Variants in AGAP1 observed in about 807,000 individuals in gnomAD.
AGAP1 encodes ArfGAP with GTPase domain, ankyrin repeat and PH domain 1.
Under a neutral mutation model 105.3 loss-of-function variants are expected in AGAP1, and 29 were observed. That is an observed-to-expected ratio of 0.28 (90% CI 0.21 to 0.38). The LOEUF is 0.38. AGAP1 is among the 10% of genes least tolerant of loss of function. The pLI is 1.00. For synonymous variants in AGAP1, 509 were observed against 485.9 expected, an observed-to-expected ratio of 1.05 and a Z score of -0.63; for missense variants, 998 against 1,165.1, an observed-to-expected ratio of 0.86 and a Z score of 2.09.
Position 236,105,503 on chromosome 2 carries a change from T to G in AGAP1, c.2115-14689T>G, listed in dbSNP as rs530258219. Among the ~76,000 whole-genome samples the G allele has an allele frequency of 4.6e-5, 7 of 151,724 alleles. No individual in the cohort carries two copies. Among genetic ancestry groups the G allele is most frequent in the Non-Finnish European group, 8.8e-5 (6 of 67,950 alleles). ...TCCTGGCTTATAGACAGATGCCTCTTGCAGTGTCCTCATGTGGAGGAGAGA... is the reference window on the plus strand; with the variant it reads ...TCCTGGCTTATAGACAGATGCCTCTGGCAGTGTCCTCATGTGGAGGAGAGA... On this transcript the variant is annotated intron_variant, in intron 16 of 17. Transcript: ENST00000304032. This position sits in a 1 kb window ranked among gnomAD's most constrained non-coding sequence, Gnocchi z 4.2.
chr2:236,099,449 C>G (rs568351495), intron 16 of AGAP1, among the ~76,000 whole-genome samples: 1 of 150,310 alleles, frequency 6.7e-6, no homozygotes, highest in East Asian at 2.0e-4. Flanking sequence ...AGCGAGACTC[C>G]GCCTCAAAAA....
intron 12 of AGAP1, among the ~76,000 whole-genome samples, chr2:235,939,920 C>T (rs924052902): frequency 6.6e-6 from 1 of 152,158 alleles, no homozygotes; most frequent in African/African-American, 2.4e-5. Context: ...CCTCTAGACT[C>T]AGAAGATACC....
At chr2:236,071,331 C>T (rs1300975984) in intron 16 of AGAP1, among the ~76,000 whole-genome samples, 1 of 152,210 alleles carries the variant, frequency 6.6e-6, no homozygotes, top group Non-Finnish European at 1.5e-5. Flanking sequence ...ACCTGGCCTG[C>T]AGATGGCTTC....
At chr2:235,693,045 GGGC>G (rs1949814319) in intron 1 of AGAP1, among the ~76,000 whole-genome samples, 2 of 152,152 alleles carry the variant, frequency 1.3e-5, no homozygotes, top group Non-Finnish European at 2.9e-5. Flanking sequence ...GCTGGCCTAG[GGGC>G]CTTCCTGATG....
intron 1 of AGAP1, among the ~76,000 whole-genome samples, chr2:235,703,861 T>C (rs10209202): frequency 0.076 from 11,629 of 152,140 alleles, 1,460 homozygotes; most frequent in African/African-American, 0.26. Context: ...AATCTCAAAC[T>C]CCTGACCTCA....
intron 10 of AGAP1, among the ~76,000 whole-genome samples, chr2:235,890,643 A>C (rs2050493846): frequency 6.6e-6 from 1 of 152,198 alleles, no homozygotes; most frequent in South Asian, 2.1e-4. Context: ...TTCAGATCAC[A>C]CAGAGGTGCC....
intron 16 of AGAP1, among the ~76,000 whole-genome samples, chr2:236,111,052 C>A (rs1456262874): frequency 6.6e-6 from 1 of 152,178 alleles, no homozygotes; most frequent in Non-Finnish European, 1.5e-5. Context: ...AGGGCAGGGC[C>A]ATCATCACCT....
At chr2:235,825,988 C>CT (rs898600117) in intron 9 of AGAP1, among the ~76,000 whole-genome samples, 1 of 151,918 alleles carries the variant, frequency 6.6e-6, no homozygotes, top group African/African-American at 2.4e-5. Context: ...TATACACCTA[C>CT]TATGTACTCA....
Position 236,027,605 on chromosome 2 carries a change from C to A in AGAP1, c.1646-8956C>A. On this transcript the variant is annotated intron_variant, in intron 13 of 17. Coordinates refer to ENST00000304032, the MANE Select transcript of AGAP1 (RefSeq NM_001037131.3). The surrounding 1 kb of genome is among the most constrained non-coding windows in gnomAD (Gnocchi z 4.4). The stretch of plus-strand genomic sequence containing the variant: ...CAGCCCTGGTCCCCATCAGCACAGC[C>A]TGCCTGGGAGAGGCCAGCCCAGGGT... Among the ~76,000 whole-genome samples, 1 of 152,204 alleles carries A rather than the reference C, an allele frequency of 6.6e-6. No homozygotes were observed. The highest frequency in any genetic ancestry group is 1.9e-4 in the East Asian group (1 of 5,186).
intron 1 of AGAP1, among the ~76,000 whole-genome samples, chr2:235,536,611 T>C (rs1250146679): frequency 8.5e-6 from 1 of 117,760 alleles, no homozygotes; most frequent in Non-Finnish European, 1.7e-5. Flanking sequence ...ACCCCTGGGT[T>C]TGTGTGTCGC....
chr2:236,032,325 A>G (rs1367655173), intron 13 of AGAP1, among the ~76,000 whole-genome samples: 1 of 152,186 alleles, frequency 6.6e-6, no homozygotes, highest in Admixed American at 6.5e-5. Flanking sequence ...CTGTGAATCC[A>G]TATAACTCTA....
intron 16 of AGAP1, among the ~76,000 whole-genome samples, chr2:236,108,308 G>A (rs948313922): frequency 1.3e-5 from 2 of 152,132 alleles, no homozygotes; most frequent in Non-Finnish European, 2.9e-5. Context: ...CCCAGTTCCT[G>A]TTTTGCTTGA....
At chr2:235,811,474 T>C (rs1958136527) in intron 9 of AGAP1, among the ~76,000 whole-genome samples, 1 of 152,252 alleles carries the variant, frequency 6.6e-6, no homozygotes, top group African/African-American at 2.4e-5. Context: ...TCCTGAGGTT[T>C]CAGAGAATAA....
At position 235,761,007 on chromosome 2, in the gene AGAP1, C is replaced by T. The variant is rs571741470; in HGVS notation, c.673+10519C>T. The stretch of plus-strand genomic sequence containing the variant: ...ATCTTAATTATCATTGTGCTCCATA[C>T]GCTACAGATGGCACCTGCTGGCCTT... On this transcript the variant is annotated intron_variant, in intron 6 of 17. Transcript: ENST00000304032. Among the ~76,000 whole-genome samples, 5 of 152,154 alleles carry T rather than the reference C, an allele frequency of 3.3e-5. No individual in the cohort carries two copies. In the South Asian group the frequency reaches 6.2e-4, roughly 19 times the overall value.
chr2:235,678,497 A>G (rs886507294), intron 1 of AGAP1, among the ~76,000 whole-genome samples: 12 of 152,124 alleles, frequency 7.9e-5, no homozygotes, highest in Admixed American at 1.3e-4. Flanking sequence ...TTCTCCTATC[A>G]CTGGAGGCAC....
rs150219086 is a variant in AGAP1, at chr2:236,021,719, A to AT, written c.1646-14833dup. Among the ~76,000 whole-genome samples, 1,012 of 151,750 alleles carry AT rather than the reference A, an allele frequency of 6.7e-3. 7 individuals are homozygous for AT. Among genetic ancestry groups the AT allele is most frequent in the African/African-American group, 0.023 (933 of 41,428 alleles). ...GTTTTCAATTTGCGGTCAGATAACT[A>AT]TTTTTTTTTCCCCAAGAGCTTTGTT... On this transcript the variant is annotated intron_variant, in intron 13 of 17. Coordinates refer to ENST00000304032, the MANE Select transcript of AGAP1 (RefSeq NM_001037131.3).
rs1039737450 is a variant in AGAP1, at chr2:235,882,853, C to T, written c.1051-492C>T. On this transcript the variant is annotated intron_variant, in intron 9 of 17. Transcript: ENST00000304032. This position sits in a 1 kb window ranked among gnomAD's most constrained non-coding sequence, Gnocchi z 4.6. Reference sequence around the variant, plus strand: ...TCTCTTTCTTTCACTCGCTTTGTCACCCAGGCTGGAGTACGGTGGTACAAT... The same window carrying T: ...TCTCTTTCTTTCACTCGCTTTGTCATCCAGGCTGGAGTACGGTGGTACAAT... 6.6e-6 allele frequency among the ~76,000 whole-genome samples: 1 copy of T among 151,986 alleles called. No homozygotes were observed. Among genetic ancestry groups the T allele is most frequent in the African/African-American group, 2.4e-5 (1 of 41,362 alleles).
intron 6 of AGAP1, among the ~76,000 whole-genome samples, chr2:235,757,658 C>T (rs1256737897): frequency 6.6e-6 from 1 of 152,192 alleles, no homozygotes; most frequent in Non-Finnish European, 1.5e-5. Context: ...CTATCTAACC[C>T]ATGCCGAGAG....
chr2:235,803,659 G>C (rs1957694592), intron 8 of AGAP1, among the ~76,000 whole-genome samples: 1 of 152,176 alleles, frequency 6.6e-6, no homozygotes, highest in African/African-American at 2.4e-5. Flanking sequence ...AAAGTACACT[G>C]TAATGCACTG....
Sources: allele counts gnomAD v4.1 joint callset (sites outside exome capture counted in the v4.1 genomes callset), GRCh38; gene constraint gnomAD v4.1.1; non-coding constraint Gnocchi (gnomAD v3.1); transcripts MANE v1.5; gene names NCBI Gene and HGNC (gene_info 2026-07-23, HGNC 2026-07-21).